Variants in MED31 observed in about 807,000 individuals in gnomAD.
The protein encoded by MED31 is mediator of RNA polymerase II transcription subunit 31.
Under a neutral mutation model 22.0 loss-of-function variants are expected in MED31, and 11 were observed. That is an observed-to-expected ratio of 0.50 (90% CI 0.31 to 0.83). MED31 has a LOEUF of 0.83. Among genes scored for constraint, MED31 ranks in the 40% least tolerant of loss-of-function variants. MED31 has a pLI of 0.04. For synonymous variants in MED31, 60 were observed against 55.1 expected (o/e 1.09, Z -0.40); for missense variants, 122 against 155.3 (o/e 0.79, Z 1.14).
chr17:6,651,574 C>T lies in MED31; in HGVS notation c.-46G>A, dbSNP rs201349601. ...CGCCACCAGCCTGACAGAGCAAAAG[C>T]CCAGAGACGCGGGCGAAGTTCCGGA... On this transcript the variant is annotated 5_prime_UTR_variant, in exon 1 of 4. Transcript: ENST00000225728. 3.8e-4 allele frequency: 620 copies of T among 1,612,942 alleles called. 1 individual carries two copies. The highest frequency in any genetic ancestry group is 4.7e-4 in the Non-Finnish European group (559 of 1,179,442).
At chr17:6,648,647 G>T (rs1178704198) in intron 3 of MED31, among the ~76,000 whole-genome samples, 5 of 152,226 alleles carry the variant, frequency 3.3e-5, no homozygotes, top group Non-Finnish European at 7.3e-5. Flanking sequence ...GGGCTAATTT[G>T]CAGTCTCTCT....
rs1187188705 is a variant in MED31, at chr17:6,643,885, A to G, written c.*582T>C. 2 of 381,906 alleles carry G rather than the reference A, an allele frequency of 5.2e-6. No individual in the cohort carries two copies. The highest frequency in any genetic ancestry group is 4.1e-5 in the African/African-American group (2 of 48,266). 23.7% of individuals were successfully genotyped at this position (381,906 alleles called of 1,614,324 possible). A position where few individuals can be genotyped will look rare whatever the true frequency, so the allele number is the denominator to read the frequency against. On this transcript the variant is annotated 3_prime_UTR_variant, in exon 4 of 4. Transcript: ENST00000225728. The stretch of plus-strand genomic sequence containing the variant: ...GTAACTAACCACTAGTTGTCCTGCC[A>G]TGACTAGGTCAAGTGAGGCCACAGT...
At chr17:6,648,802 G>A (rs1972793630) in intron 3 of MED31, among the ~76,000 whole-genome samples, 1 of 152,170 alleles carries the variant, frequency 6.6e-6, no homozygotes, top group African/African-American at 2.4e-5. Flanking sequence ...GCTAACAATC[G>A]AATCAGCTGT....
In MED31 at chr17:6,643,568, G is replaced by A. The variant is rs141893856; in HGVS notation, c.*899C>T. The A allele has an allele frequency of 3.0e-3, 454 of 152,972 alleles. 4 individuals are homozygous for A. Among genetic ancestry groups the A allele is most frequent in the African/African-American group, 0.01 (427 of 41,564 alleles). 9.5% of individuals were successfully genotyped at this position (152,972 alleles called of 1,614,324 possible). On this transcript the variant is annotated 3_prime_UTR_variant, in exon 4 of 4. Transcript: ENST00000225728. ...CTTTACTTGGGATGAGGCAGGTGGC[G>A]GAGAGCGGCCGGAAAGACTCTATAA...
In MED31 at chr17:6,651,578, G is replaced by A. The variant is rs561764469; in HGVS notation, c.-50C>T. On this transcript the variant is annotated 5_prime_UTR_variant, in exon 1 of 4. Coordinates refer to ENST00000225728, the MANE Select transcript of MED31 (RefSeq NM_016060.3). ...ACCAGCCTGACAGAGCAAAAGCCCA[G>A]AGACGCGGGCGAAGTTCCGGAAACC... 10 of 1,612,286 alleles carry A rather than the reference G, an allele frequency of 6.2e-6. No individual in the cohort carries two copies. Among genetic ancestry groups the A allele is most frequent in the Middle Eastern group, 1.6e-4 (1 of 6,082 alleles).
chr17:6,643,931 C>T lies in MED31; in HGVS notation c.*536G>A, dbSNP rs1567601417. The T allele has an allele frequency of 2.5e-6, 1 of 394,004 alleles. No homozygotes were observed. The highest frequency in any genetic ancestry group is 2.1e-5 in the African/African-American group (1 of 48,620). The allele number at this position is 394,004 out of a possible 1,614,324, so 24.4% of individuals were successfully genotyped here. A position where few individuals can be genotyped will look rare whatever the true frequency, so the allele number is the denominator to read the frequency against. ...ACAGTGATTCAGTGATTCTTAAAGC[C>T]ACCTTGCAAAGCAGGTAATACAGTT... On this transcript the variant is annotated 3_prime_UTR_variant, in exon 4 of 4. Transcript: ENST00000225728.
At chr17:6,645,421 C>G (rs1972754208) in intron 3 of MED31, among the ~76,000 whole-genome samples, 1 of 152,092 alleles carries the variant, frequency 6.6e-6, no homozygotes, top group South Asian at 2.1e-4. Flanking sequence ...TACTAATGAA[C>G]ACACAATGAC....
chr17:6,651,372 G>A, intron 1 of MED31, 129 bp downstream of exon 1: 2 of 1,251,002 alleles, frequency 1.6e-6, no homozygotes, highest in Non-Finnish European at 2.2e-6. Flanking sequence ...GACGCTACAA[G>A]AGCCTTCTCT....
At chr17:6,651,089 C>A (rs1364733563) in intron 1 of MED31, among the ~76,000 whole-genome samples, 1 of 121,314 alleles carries the variant, frequency 8.2e-6, no homozygotes, top group African/African-American at 3.4e-5. Flanking sequence ...CCACTGCACC[C>A]CAGCCTGGGC....
At position 6,644,387 on chromosome 17, in the gene MED31, GTT is replaced by G. The variant is rs936206966; in HGVS notation, c.*78_*79del. 1.4e-6 allele frequency: 2 copies of G among 1,446,818 alleles called. No homozygotes were observed. The highest frequency in any genetic ancestry group is 5.3e-5 in the Admixed American group (2 of 37,998). The allele number at this position is 1,446,818 out of a possible 1,614,324, so 89.6% of individuals were successfully genotyped here. On this transcript the variant is annotated 3_prime_UTR_variant, in exon 4 of 4. Transcript: ENST00000225728. ...ACCATAATAAAGGTAGATAGGAAGA[GTT>G]TTCATTTTTTTTGTCTTCACTGTAC...
Position 6,643,862 on chromosome 17 carries a change from A to G in MED31, c.*605T>C, listed in dbSNP as rs1972728498. 1 of 368,150 alleles carries G rather than the reference A, an allele frequency of 2.7e-6. No homozygotes were observed. Among genetic ancestry groups the G allele is most frequent in the South Asian group, 1.5e-4 (1 of 6,774 alleles). 22.8% of individuals were successfully genotyped at this position (368,150 alleles called of 1,614,324 possible). A position where few individuals can be genotyped will look rare whatever the true frequency, so the allele number is the denominator to read the frequency against. Reference sequence around the variant, plus strand: ...TTCTAAAGTCAAGAGTCCAGTTAGTAACTAACCACTAGTTGTCCTGCCATG... The same window carrying G: ...TTCTAAAGTCAAGAGTCCAGTTAGTGACTAACCACTAGTTGTCCTGCCATG... On this transcript the variant is annotated 3_prime_UTR_variant, in exon 4 of 4. Coordinates refer to ENST00000225728, the MANE Select transcript of MED31 (RefSeq NM_016060.3).
At chr17:6,649,146 G>T (rs1162346597) in intron 3 of MED31, among the ~76,000 whole-genome samples, 2 of 149,456 alleles carry the variant, frequency 1.3e-5, no homozygotes, top group Non-Finnish European at 3.0e-5. Context: ...TTTTTTAAAG[G>T]TTCATTATTG....
intron 3 of MED31, among the ~76,000 whole-genome samples, chr17:6,648,169 T>G (rs890346330): frequency 5.3e-5 from 8 of 152,244 alleles, no homozygotes; most frequent in Non-Finnish European, 5.9e-5. Flanking sequence ...CAGAGGTGTA[T>G]GACCACATGA....
chr17:6,646,085 A>G (rs1343935903), intron 3 of MED31, among the ~76,000 whole-genome samples: 1 of 152,210 alleles, frequency 6.6e-6, no homozygotes, highest in Non-Finnish European at 1.5e-5. Context: ...CACTGAGATG[A>G]AAGGAGACTA....
chr17:6,644,050 A>C lies in MED31; in HGVS notation c.*417T>G. 5.0e-6 allele frequency: 2 copies of C among 403,484 alleles called. No homozygotes were observed. Among genetic ancestry groups the C allele is most frequent in the Non-Finnish European group, 8.7e-6 (2 of 228,862 alleles). 25.0% of individuals were successfully genotyped at this position (403,484 alleles called of 1,614,324 possible). On this transcript the variant is annotated 3_prime_UTR_variant, in exon 4 of 4. Transcript: ENST00000225728. Reference sequence around the variant, plus strand: ...CTCCGCTACTCTCACTACATCTTAGAGTAGAGTGGTAGAGTAGTTGATCTG... The same window carrying C: ...CTCCGCTACTCTCACTACATCTTAGCGTAGAGTGGTAGAGTAGTTGATCTG...
At chr17:6,646,814 A>C (rs1972773418) in intron 3 of MED31, among the ~76,000 whole-genome samples, 1 of 152,298 alleles carries the variant, frequency 6.6e-6, no homozygotes, top group African/African-American at 2.4e-5. Flanking sequence ...TGTGCTGAGG[A>C]GGAGTAGTGA....
intron 3 of MED31, among the ~76,000 whole-genome samples, chr17:6,649,512 C>T (rs1484742737): frequency 6.6e-6 from 1 of 152,142 alleles, no homozygotes; most frequent in Admixed American, 6.5e-5. Context: ...GCTTATGCTA[C>T]TACATTTACA....
At chr17:6,649,239 C>A (rs1972802212) in intron 3 of MED31, among the ~76,000 whole-genome samples, 1 of 144,554 alleles carries the variant, frequency 6.9e-6, no homozygotes, top group Admixed American at 6.9e-5. Context: ...TTTTTTTTAA[C>A]CATTAAAAGG....
chr17:6,647,264 G>A (rs1256580255), intron 3 of MED31, among the ~76,000 whole-genome samples: 2 of 152,186 alleles, frequency 1.3e-5, no homozygotes, highest in Non-Finnish European at 1.5e-5. Flanking sequence ...TGGGCCCACT[G>A]TTCTTTCTCT....
Sources: gnomAD v4.1 joint callset for allele counts (sites outside exome capture counted in the v4.1 genomes callset) on GRCh38, gnomAD v4.1.1 for gene constraint, MANE v1.5 for transcripts, NCBI Gene and HGNC (gene_info 2026-07-23, HGNC 2026-07-21) for gene names.